The following TNFSF4 variants were observed in gnomAD, a reference collection of about 807,000 sequenced individuals.
TNFSF4 encodes TNF superfamily member 4.
Under a neutral mutation model 7.3 loss-of-function variants are expected in TNFSF4, and 4 were observed. The ratio of observed to expected loss-of-function variants is 0.55; its 90% confidence interval spans 0.27 to 1.25. TNFSF4 has a LOEUF of 1.25. Ranked by LOEUF, TNFSF4 falls within the 50% of genes most tolerant of loss-of-function variation. TNFSF4 has a pLI of 0.12. For missense variants in TNFSF4, 181 were observed against 208.8 expected, an observed-to-expected ratio of 0.87 and a Z score of 0.82; for synonymous variants, 76 against 83.7, an observed-to-expected ratio of 0.91 and a Z score of 0.50.
At chr1:173,210,321 G>T (rs1305466180), upstream of TNFSF4, among the ~76,000 whole-genome samples, 1 of 151,884 alleles carries the variant, frequency 6.6e-6, no homozygotes, top group Non-Finnish European at 1.5e-5. Flanking sequence ...GGTGCAGGGG[G>T]ACAGGTGCTA....
chr1:173,251,553 G>A, the TNFSF4 span, among the ~76,000 whole-genome samples: 21 of 152,336 alleles, frequency 1.4e-4, no homozygotes, highest in African/African-American at 4.6e-4. Context: ...AAAGGGGCCA[G>A]GGGGAGGGTA....
chr1:173,246,559 A>G, the TNFSF4 span, among the ~76,000 whole-genome samples: 4 of 152,330 alleles, frequency 2.6e-5, no homozygotes, highest in Non-Finnish European at 4.4e-5. Flanking sequence ...ATACACCTCT[A>G]TACTATTTTC....
At chr1:173,311,786 A>G in the TNFSF4 span, among the ~76,000 whole-genome samples, 2 of 152,124 alleles carry the variant, frequency 1.3e-5, no homozygotes, top group African/African-American at 4.8e-5. Flanking sequence ...CATCATGCCA[A>G]CTGGCAAGAG....
chr1:173,378,421 C>T, the TNFSF4 span, among the ~76,000 whole-genome samples: 1 of 152,162 alleles, frequency 6.6e-6, no homozygotes, highest in South Asian at 2.1e-4. Flanking sequence ...AAACCACGGG[C>T]GGTTTGTCTT....
chr1:173,255,110 G>A, the TNFSF4 span, among the ~76,000 whole-genome samples: 4 of 152,210 alleles, frequency 2.6e-5, no homozygotes, highest in Non-Finnish European at 4.4e-5. Flanking sequence ...TCTAACTGAA[G>A]TGGCTAATTG....
At chr1:173,436,870 G>A in the TNFSF4 span, among the ~76,000 whole-genome samples, 2 of 152,184 alleles carry the variant, frequency 1.3e-5, no homozygotes, top group East Asian at 1.9e-4. Flanking sequence ...ACTTGATAGG[G>A]ATAAAATGAT....
chr1:173,259,989 A>G, the TNFSF4 span, among the ~76,000 whole-genome samples: 1 of 152,190 alleles, frequency 6.6e-6, no homozygotes, highest in South Asian at 2.1e-4. Flanking sequence ...AAATCCAGAG[A>G]ACCCCACTAA....
the TNFSF4 span, among the ~76,000 whole-genome samples, chr1:173,290,656 C>T: frequency 0.023 from 3,498 of 152,218 alleles, 134 homozygotes; most frequent in African/African-American, 0.08. Context: ...ACCCCACTGA[C>T]AGTGTTAAGC....
At chr1:173,192,918 G>A (rs186205439) in intron 1 of TNFSF4, among the ~76,000 whole-genome samples, 2 of 152,234 alleles carry the variant, frequency 1.3e-5, no homozygotes, top group East Asian at 3.9e-4. Context: ...AACATTGCAA[G>A]AAGTTAATAA....
the TNFSF4 span, among the ~76,000 whole-genome samples, chr1:173,308,845 T>C: frequency 6.6e-6 from 1 of 151,902 alleles, no homozygotes; most frequent in Non-Finnish European, 1.5e-5. Context: ...ACATATGGCG[T>C]CCTCATAAGA....
the TNFSF4 span, among the ~76,000 whole-genome samples, chr1:173,409,414 T>G: frequency 6.6e-6 from 1 of 152,204 alleles, no homozygotes; most frequent in Admixed American, 6.5e-5. Flanking sequence ...AGTTGTATTA[T>G]TTTTATATAG....
the TNFSF4 span, among the ~76,000 whole-genome samples, chr1:173,177,579 A>G: frequency 6.6e-6 from 1 of 152,122 alleles, no homozygotes; most frequent in Non-Finnish European, 1.5e-5. Flanking sequence ...GTACCCCTGA[A>G]CCTAAAATAA....
chr1:173,371,566 G>A, the TNFSF4 span, among the ~76,000 whole-genome samples: 1 of 151,938 alleles, frequency 6.6e-6, no homozygotes, highest in Non-Finnish European at 1.5e-5. Flanking sequence ...GCTCATAAAG[G>A]GTTACAGGAT....
chr1:173,197,314 AC>A (rs770070710), intron 1 of TNFSF4, among the ~76,000 whole-genome samples: 10 of 152,334 alleles, frequency 6.6e-5, no homozygotes, highest in Non-Finnish European at 1.2e-4. Flanking sequence ...ACACCATTTG[AC>A]CCAGCAACCC....
intron 1 of TNFSF4, among the ~76,000 whole-genome samples, chr1:173,198,282 T>C (rs757898527): frequency 3.3e-5 from 5 of 152,230 alleles, no homozygotes; most frequent in African/African-American, 4.8e-5. Flanking sequence ...CTCATTTCAA[T>C]GTCTAAACTC....
At chr1:173,252,496 T>G in the TNFSF4 span, among the ~76,000 whole-genome samples, 1 of 152,084 alleles carries the variant, frequency 6.6e-6, no homozygotes, top group African/African-American at 2.4e-5. Context: ...TTTGAGATAA[T>G]TATCTGTGCA....
chr1:173,323,515 A>T, the TNFSF4 span, among the ~76,000 whole-genome samples: 1 of 152,258 alleles, frequency 6.6e-6, no homozygotes, highest in Non-Finnish European at 1.5e-5. Context: ...TGGACAGAGA[A>T]TGACTTTGAC....
chr1:173,389,727 CTT>C, the TNFSF4 span, among the ~76,000 whole-genome samples: 2 of 152,148 alleles, frequency 1.3e-5, no homozygotes, highest in Non-Finnish European at 2.9e-5. Flanking sequence ...AACTTTCTAA[CTT>C]ACTGATTTTA....
chr1:173,335,856 G>T, the TNFSF4 span, among the ~76,000 whole-genome samples: 1 of 152,126 alleles, frequency 6.6e-6, no homozygotes, highest in African/African-American at 2.4e-5. Context: ...TTTAGCCAAG[G>T]TTACTATAGA....
Sources: allele counts gnomAD v4.1 joint callset (sites outside exome capture counted in the v4.1 genomes callset), GRCh38; gene constraint gnomAD v4.1.1; transcripts MANE v1.5; gene names NCBI Gene and HGNC (gene_info 2026-07-23, HGNC 2026-07-21).